Variants in GNAS observed in about 807,000 individuals in gnomAD.
The protein encoded by GNAS is GNAS complex locus, also known as protein ALEX.
GNAS carries 8 observed loss-of-function variants against 54.5 expected under a neutral mutation model. That is an observed-to-expected ratio of 0.15 (90% CI 0.09 to 0.26). The LOEUF (loss-of-function observed/expected upper bound fraction) is 0.26. GNAS is among the 10% of genes least tolerant of loss of function. The pLI, the probability that GNAS is intolerant of heterozygous loss-of-function variation, is 1.00. For synonymous variants in GNAS, 204 were observed against 191.4 expected (o/e 1.07, Z -0.54); for missense variants, 170 against 529.8 (o/e 0.32, Z 6.67).
intron 1 of GNAS, chr20:58,842,140 T>C: frequency 2.5e-6 from 1 of 399,006 alleles, no homozygotes; most frequent in African/African-American, 2.1e-5. Context: ...GGGAATCTGC[T>C]CTGATGACCC....
At chr20:58,840,823 C>T, upstream of GNAS, 2 of 1,612,844 alleles carry the variant, frequency 1.2e-6, no homozygotes, top group Non-Finnish European at 1.7e-6. This position sits in a 1 kb window ranked among gnomAD's most constrained non-coding sequence, Gnocchi z 6.0. Context: ...AAAAGGGACC[C>T]ATCCCCATCC....
intron 1 of GNAS, chr20:58,892,168 T>A (rs1188565951): frequency 9.4e-6 from 9 of 960,768 alleles, no homozygotes; most frequent in Non-Finnish European, 1.1e-5. Context: ...TTTCTCTCTT[T>A]CTCTCTTTTT....
chr20:58,889,474 C>A (rs554136561), upstream of GNAS: 18 of 367,596 alleles, frequency 4.9e-5, no homozygotes, highest in South Asian at 2.0e-3. Flanking sequence ...CGGGGCGCCT[C>A]CGGGCACCCC....
At chr20:58,861,916 G>A (rs930557247) in intron 1 of GNAS, among the ~76,000 whole-genome samples, 1 of 152,016 alleles carries the variant, frequency 6.6e-6, no homozygotes, top group African/African-American at 2.4e-5. Flanking sequence ...TGTTGGTCAG[G>A]CGGGTCTCGA....
At chr20:58,860,454 G>A (rs1160723147) in intron 1 of GNAS, among the ~76,000 whole-genome samples, 1 of 151,880 alleles carries the variant, frequency 6.6e-6, no homozygotes, top group Non-Finnish European at 1.5e-5. Context: ...TTACTTTTCT[G>A]CATAGCTCTA....
chr20:58,862,338 T>C (rs2086825040), intron 1 of GNAS, among the ~76,000 whole-genome samples: 1 of 151,604 alleles, frequency 6.6e-6, no homozygotes, highest in African/African-American at 2.4e-5. Flanking sequence ...TTATATTTTT[T>C]AGTAGAGATG....
chr20:58,889,128 C>T (rs1600929167), upstream of GNAS: 5 of 1,193,438 alleles, frequency 4.2e-6, no homozygotes, highest in East Asian at 8.9e-5. Flanking sequence ...TCTGAAGAGG[C>T]TGGGGCGTCA....
chr20:58,839,760 C>T (rs537345739), upstream of GNAS: 1 of 567,176 alleles, frequency 1.8e-6, no homozygotes, highest in Non-Finnish European at 3.1e-6. Context: ...TCTCCTCTGT[C>T]CTCTCCCAGG....
chr20:58,882,948 A>C (rs2088338800), intron 1 of GNAS: 1 of 152,182 alleles, frequency 6.6e-6, no homozygotes, highest in Non-Finnish European at 1.5e-5. Flanking sequence ...TCCTACGATC[A>C]GCAGCTTCCA....
chr20:58,898,802 C>CGGGA, intron 2 of GNAS, 139 bp from the exon 3 acceptor site: 2 of 812,474 alleles, frequency 2.5e-6, no homozygotes. Context: ...TAAGAATTGC[C>CGGGA]GGGAGGATGG....
At position 58,841,740 on chromosome 20, in the gene GNAS, C is replaced by T. The variant is rs56256830; in HGVS notation, c.43+854C>T. 4.6e-3 allele frequency: 5,693 copies of T among 1,227,132 alleles called. 15 individuals carry two copies. Among genetic ancestry groups the T allele is most frequent in the Non-Finnish European group, 5.6e-3 (5,508 of 985,454 alleles). The allele number at this position is 1,227,132 out of a possible 1,614,324, so 76.0% of individuals were successfully genotyped here. On this transcript the variant is annotated intron_variant, in intron 1 of 12. Transcript: ENST00000306090. This position sits in a 1 kb window ranked among gnomAD's most constrained non-coding sequence, Gnocchi z 5.0. ...GGGCTACCAGGGTTGAACGCACAGG[C>T]ATGGTCACGTCGGGGTATTGCCAAG...
intron 1 of GNAS, among the ~76,000 whole-genome samples, chr20:58,872,712 C>T (rs550822294): frequency 6.6e-6 from 1 of 151,920 alleles, no homozygotes; most frequent in Admixed American, 6.6e-5. Context: ...CAGAGGAGAA[C>T]AGGGACAAGG....
Position 58,853,181 on chromosome 20 carries a change from A to G in GNAS, c.43+12295A>G. On this transcript the variant is annotated intron_variant, in intron 1 of 12. Transcript: ENST00000306090. This position sits in a 1 kb window ranked among gnomAD's most constrained non-coding sequence, Gnocchi z 4.4. Reference sequence around the variant, plus strand: ...CAGCTGGTACTTTGATTTTAAAATAATAATAATAATTTTTTCACCCTAGTT... The same window carrying G: ...CAGCTGGTACTTTGATTTTAAAATAGTAATAATAATTTTTTCACCCTAGTT... 1 of 1,447,834 alleles carries G rather than the reference A, an allele frequency of 6.9e-7. No homozygotes were observed. The highest frequency in any genetic ancestry group is 9.1e-7 in the Non-Finnish European group (1 of 1,100,304). The allele number at this position is 1,447,834 out of a possible 1,614,324, so 89.7% of individuals were successfully genotyped here.
intron 3 of GNAS, among the ~76,000 whole-genome samples, chr20:58,901,897 T>C (rs1480375254): frequency 7.4e-6 from 1 of 134,592 alleles, no homozygotes; most frequent in Non-Finnish European, 1.5e-5. Flanking sequence ...GCTCGTCTGC[T>C]CTTGCTAATT....
At chr20:58,862,725 AGAC>A (rs1380484344) in intron 1 of GNAS, among the ~76,000 whole-genome samples, 1 of 151,874 alleles carries the variant, frequency 6.6e-6, no homozygotes, top group African/African-American at 2.4e-5. Flanking sequence ...CTCAAGCAGT[AGAC>A]GAATGCCACC....
chr20:58,855,949 T>C (rs2086480976), intron 1 of GNAS: 1 of 351,994 alleles, frequency 2.8e-6, no homozygotes, highest in Non-Finnish European at 5.2e-6. Context: ...CAAAAAACTT[T>C]CGCTGTTCGC....
At chr20:58,871,630 C>CA (rs2087465119) in intron 1 of GNAS, among the ~76,000 whole-genome samples, 7 of 50,276 alleles carry the variant, frequency 1.4e-4, no homozygotes, top group Admixed American at 2.1e-4. Context: ...AAAAAAAAAA[C>CA]AAACAACAAA....
At position 58,853,955 on chromosome 20, in the gene GNAS, A is replaced by G; in HGVS notation, c.43+13069A>G. The G allele has an allele frequency of 6.2e-7, 1 of 1,612,202 alleles. No individual in the cohort carries two copies. Among genetic ancestry groups the G allele is most frequent in the Non-Finnish European group, 8.5e-7 (1 of 1,179,670 alleles). On this transcript the variant is annotated intron_variant, in intron 1 of 12. Coordinates refer to the GNAS transcript ENST00000306090. This position sits in a 1 kb window ranked among gnomAD's most constrained non-coding sequence, Gnocchi z 4.4. ...AGACTATGCCATTTGAGCTTGATGG[A>G]GAAGGATTTGGGGACGACAGCCCAC...
chr20:58,896,518 C>T (rs1406861722), intron 2 of GNAS, among the ~76,000 whole-genome samples: 1 of 151,924 alleles, frequency 6.6e-6, no homozygotes, highest in African/African-American at 2.4e-5. Context: ...CCCTGCCTGG[C>T]ATGGGGAATG....
Sources: allele counts gnomAD v4.1 joint callset (sites outside exome capture counted in the v4.1 genomes callset), GRCh38; gene constraint gnomAD v4.1.1; non-coding constraint Gnocchi (gnomAD v3.1); transcripts MANE v1.5; gene names NCBI Gene and HGNC (gene_info 2026-07-23, HGNC 2026-07-21).